VGLL4: variants seen among roughly 807,000 people sequenced by gnomAD.
The protein encoded by VGLL4 is vestigial like family member 4, also known as transcription cofactor vestigial-like protein 4.
A neutral mutation model predicts 21.0 loss-of-function variants in VGLL4; 7 were observed. The observed-to-expected ratio is 0.33, with a 90% CI of 0.19 to 0.63. The LOEUF is 0.63. Among genes scored for constraint, VGLL4 ranks in the 20% least tolerant of loss-of-function variants. The pLI is 0.78. For synonymous variants in VGLL4, 222 were observed against 173.2 expected, an observed-to-expected ratio of 1.28 and a Z score of -2.21; for missense variants, 394 against 425.7, an observed-to-expected ratio of 0.93 and a Z score of 0.66.
At chr3:11,673,467 A>G (rs1667655493) in intron 2 of VGLL4, among the ~76,000 whole-genome samples, 1 of 152,156 alleles carries the variant, frequency 6.6e-6, no homozygotes, top group African/African-American at 2.4e-5. Flanking sequence ...CGGGAGGTCC[A>G]AAAACTGAAA....
chr3:11,570,728 A>G (rs1405321342), intron 2 of VGLL4, among the ~76,000 whole-genome samples: 1 of 152,248 alleles, frequency 6.6e-6, no homozygotes, highest in Non-Finnish European at 1.5e-5. Context: ...AATGTTGGGC[A>G]TAAACAGTGG....
chr3:11,710,140 G>A (rs1469874480), intron 1 of VGLL4, among the ~76,000 whole-genome samples: 1 of 152,108 alleles, frequency 6.6e-6, no homozygotes, highest in Non-Finnish European at 1.5e-5. Flanking sequence ...CAAGGGGATG[G>A]CACTAAACCA....
chr3:11,645,864 A>C (rs2437677), upstream of VGLL4, among the ~76,000 whole-genome samples: 86,628 of 151,610 alleles, frequency 0.57, 24,909 homozygotes, highest in African/African-American at 0.6. Flanking sequence ...CCCAGCTACT[A>C]GGGAGGCTGA....
chr3:11,624,435 G>C (rs2075317110), intron 1 of VGLL4, among the ~76,000 whole-genome samples: 2 of 152,236 alleles, frequency 1.3e-5, no homozygotes, highest in South Asian at 4.2e-4. Context: ...GGCCGTCCTG[G>C]TTACCTCCTG....
chr3:11,576,283 C>T (rs1439680109), intron 2 of VGLL4, among the ~76,000 whole-genome samples: 2 of 152,136 alleles, frequency 1.3e-5, no homozygotes, highest in African/African-American at 2.4e-5. Context: ...ACAGATGTGT[C>T]CCACATTAGA....
intron 1 of VGLL4, among the ~76,000 whole-genome samples, chr3:11,638,052 C>T (rs2075622099): frequency 2.6e-5 from 4 of 152,166 alleles, no homozygotes; most frequent in South Asian, 2.1e-4. Flanking sequence ...TGTGTACATG[C>T]GTAAGTGCTA....
At chr3:11,702,988 T>G in exon 2 of VGLL4, 1 of 1,612,752 alleles carries the variant, frequency 6.2e-7, no homozygotes, top group Non-Finnish European at 8.5e-7. Context: ...GTCATCAGCA[T>G]GCACCAGAGA....
intron 2 of VGLL4, among the ~76,000 whole-genome samples, chr3:11,600,065 C>G (rs1195107997): frequency 2.0e-5 from 3 of 152,136 alleles, no homozygotes; most frequent in Non-Finnish European, 4.4e-5. Context: ...TTCTTACTCT[C>G]TATCATCATA....
At position 11,719,462 on chromosome 3, in the gene VGLL4, G is replaced by A. The variant is rs2076963218; in HGVS notation, c.-14+932C>T. 6.6e-6 allele frequency: 1 copy of A among 151,450 alleles called. No individual in the cohort carries two copies. Among genetic ancestry groups the A allele is most frequent in the African/African-American group, 2.4e-5 (1 of 41,348 alleles). The allele number at this position is 151,450 out of a possible 1,614,324, so 9.4% of individuals were successfully genotyped here. The stretch of plus-strand genomic sequence containing the variant: ...GCCCGCCTGGGGCCGGCCTGGCCCT[G>A]CGGGGGACCCAGGGGCGGGGACGGG... On this transcript the variant is annotated intron_variant, in intron 1 of 5. Transcript: ENST00000273038. The surrounding 1 kb of genome is among the most constrained non-coding windows in gnomAD (Gnocchi z 4.0).
chr3:11,559,132 C>T (rs139047771), intron 4 of VGLL4, among the ~76,000 whole-genome samples, 200 bp downstream of exon 4: 8 of 152,346 alleles, frequency 5.3e-5, no homozygotes, highest in South Asian at 4.1e-4. Flanking sequence ...TGGAACTGAG[C>T]GAGGCGGTGT....
Position 11,719,602 on chromosome 3 carries a change from G to A in VGLL4, c.-14+792C>T, listed in dbSNP as rs1246773325. The stretch of plus-strand genomic sequence containing the variant: ...ACACGCACACGCACGCGCGGACCGG[G>A]CCGGCGGACGGGAGCGCGGGAGCGC... On this transcript the variant is annotated intron_variant, in intron 1 of 5. Transcript: ENST00000273038. This position sits in a 1 kb window ranked among gnomAD's most constrained non-coding sequence, Gnocchi z 4.0. 2.0e-5 allele frequency: 3 copies of A among 152,104 alleles called. No individual in the cohort carries two copies. Among genetic ancestry groups the A allele is most frequent in the Admixed American group, 1.3e-4 (2 of 15,272 alleles). 9.4% of individuals were successfully genotyped at this position (152,104 alleles called of 1,614,324 possible).
At chr3:11,715,488 C>T (rs1315081409) in intron 1 of VGLL4, among the ~76,000 whole-genome samples, 1 of 152,080 alleles carries the variant, frequency 6.6e-6, no homozygotes, top group Non-Finnish European at 1.5e-5. Flanking sequence ...TGCCCACCAC[C>T]ATGCCCAGCT....
chr3:11,606,611 AC>A (rs369733866), intron 1 of VGLL4, among the ~76,000 whole-genome samples: 397 of 152,274 alleles, frequency 2.6e-3, no homozygotes, highest in Middle Eastern at 0.017. Context: ...TGTAAAATGC[AC>A]CCAATCAGTG....
chr3:11,557,702 T>A lies in VGLL4; in HGVS notation c.*854A>T, dbSNP rs904614359. 1 of 152,754 alleles carries A rather than the reference T, an allele frequency of 6.5e-6. No individual in the cohort carries two copies. The highest frequency in any genetic ancestry group is 6.6e-5 in the Admixed American group (1 of 15,250). 9.5% of individuals were successfully genotyped at this position (152,754 alleles called of 1,614,324 possible). ...TTAAGGTTTTTGTTTACTGTCTATA[T>A]AATTAATAGAAACCAGCTATTTTTT... On this transcript the variant is annotated 3_prime_UTR_variant, in exon 5 of 5. Transcript: ENST00000430365.
At chr3:11,645,743 G>A (rs890584419), upstream of VGLL4, among the ~76,000 whole-genome samples, 3 of 152,108 alleles carry the variant, frequency 2.0e-5, no homozygotes, top group East Asian at 1.9e-4. Flanking sequence ...AGACTGAGAC[G>A]GGCGGATCAC....
chr3:11,611,364 G>C (rs74898208), intron 1 of VGLL4, among the ~76,000 whole-genome samples: 1 of 152,168 alleles, frequency 6.6e-6, no homozygotes, highest in Admixed American at 6.5e-5. Flanking sequence ...ACCATGCGAG[G>C]ATATGGGAGA....
intron 1 of VGLL4, among the ~76,000 whole-genome samples, chr3:11,708,302 G>A (rs1349378851): frequency 1.3e-5 from 2 of 152,236 alleles, no homozygotes; most frequent in Non-Finnish European, 2.9e-5. Flanking sequence ...TTTAGCTAGC[G>A]TGGTCTGGGA....
intron 2 of VGLL4, 70 bp downstream of exon 2, chr3:11,601,763 C>A (rs898514258): frequency 2.6e-6 from 4 of 1,536,876 alleles, no homozygotes; most frequent in Non-Finnish European, 3.6e-6. Context: ...AGAATTAGCA[C>A]AAAGTTGCAA....
chr3:11,696,962 C>A (rs1319152652), intron 2 of VGLL4, among the ~76,000 whole-genome samples: 3 of 152,172 alleles, frequency 2.0e-5, no homozygotes, highest in Non-Finnish European at 4.4e-5. Flanking sequence ...ACGCTGGTCT[C>A]AAACTCCTGG....
Sources: allele counts gnomAD v4.1 joint callset (sites outside exome capture counted in the v4.1 genomes callset), GRCh38; gene constraint gnomAD v4.1.1; non-coding constraint Gnocchi (gnomAD v3.1); transcripts MANE v1.5; gene names NCBI Gene and HGNC (gene_info 2026-07-23, HGNC 2026-07-21).